MAP3K20: variants seen among roughly 807,000 people sequenced by gnomAD.
MAP3K20 encodes mitogen-activated protein kinase kinase kinase 20, also known as HCCS-4.
In MAP3K20, 40 loss-of-function variants were observed where a neutral mutation model predicts 85.7. That is an observed-to-expected ratio of 0.47 (90% confidence interval 0.36 to 0.61). The LOEUF is 0.61. Among genes scored for constraint, MAP3K20 ranks in the 20% least tolerant of loss-of-function variants. The pLI is 0.00. For synonymous variants in MAP3K20, 325 were observed against 327.7 expected (o/e 0.99, Z 0.09); for missense variants, 817 against 961.7 (o/e 0.85, Z 1.99).
At chr2:173,179,679 A>G (rs988978632) in intron 3 of MAP3K20, among the ~76,000 whole-genome samples, 4 of 149,500 alleles carry the variant, frequency 2.7e-5, no homozygotes, top group South Asian at 4.2e-4. Flanking sequence ...CTGACAACCT[A>G]TAGGTAGAAA....
chr2:173,136,851 G>C (rs1559247169), intron 2 of MAP3K20, among the ~76,000 whole-genome samples: 1 of 152,212 alleles, frequency 6.6e-6, no homozygotes. Context: ...CAGATGCAAA[G>C]TGTTTGATTC....
chr2:173,202,546 C>G (rs761570238), intron 8 of MAP3K20, among the ~76,000 whole-genome samples: 1 of 152,186 alleles, frequency 6.6e-6, no homozygotes, highest in Non-Finnish European at 1.5e-5. Context: ...CAACCCCTTA[C>G]ACTCCCTTGA....
chr2:173,090,778 C>T, intron 1 of MAP3K20: 1 of 1,152,548 alleles, frequency 8.7e-7, no homozygotes, highest in Non-Finnish European at 1.1e-6. Context: ...CTGTGGGCAG[C>T]TGTGTTTCAA....
chr2:173,139,141 G>A (rs187268936), intron 2 of MAP3K20, among the ~76,000 whole-genome samples: 11 of 152,276 alleles, frequency 7.2e-5, no homozygotes, highest in Non-Finnish European at 1.2e-4. Context: ...AAATGATGAA[G>A]CAAGTGTGTA....
chr2:173,223,979 A>G (rs1232171453), intron 11 of MAP3K20: 9 of 985,360 alleles, frequency 9.1e-6, no homozygotes, highest in African/African-American at 1.7e-5. Flanking sequence ...CATTCATTCA[A>G]CACATATTCA....
chr2:173,188,572 G>A (rs1017755583), intron 5 of MAP3K20, among the ~76,000 whole-genome samples: 3 of 151,782 alleles, frequency 2.0e-5, no homozygotes, highest in Non-Finnish European at 4.4e-5. Context: ...ACCCTTGCAC[G>A]TGCCTCAGGA....
chr2:173,244,940 G>A (rs1431726224), intron 16 of MAP3K20, among the ~76,000 whole-genome samples: 2 of 152,162 alleles, frequency 1.3e-5, no homozygotes, highest in African/African-American at 4.8e-5. Context: ...AGAGAAAATT[G>A]GAGCTTTGCA....
chr2:173,230,721 G>A (rs2106330151), intron 12 of MAP3K20, among the ~76,000 whole-genome samples: 1 of 152,272 alleles, frequency 6.6e-6, no homozygotes, highest in African/African-American at 2.4e-5. Context: ...CAGAGACTAG[G>A]TTGGGCACGG....
intron 2 of MAP3K20, among the ~76,000 whole-genome samples, chr2:173,131,983 AT>A (rs1380370265): frequency 6.6e-6 from 1 of 152,160 alleles, no homozygotes; most frequent in African/African-American, 2.4e-5. Context: ...CTCATCTCTT[AT>A]CAAAAACAAG....
intron 11 of MAP3K20, among the ~76,000 whole-genome samples, chr2:173,228,925 A>C (rs1684454803): frequency 6.6e-6 from 1 of 152,224 alleles, no homozygotes; most frequent in Non-Finnish European, 1.5e-5. Context: ...TAGGCTAGTT[A>C]AAGCTAATAG....
intron 1 of MAP3K20, among the ~76,000 whole-genome samples, chr2:173,085,945 G>A (rs992407494): frequency 2.0e-5 from 3 of 151,730 alleles, no homozygotes. Context: ...ACAGATGCAC[G>A]CCACCATGCC....
At position 173,183,475 on chromosome 2, in the gene MAP3K20, G is replaced by A. The variant is rs192391077; in HGVS notation, c.349+520G>A. On this transcript the variant is annotated intron_variant, in intron 4 of 19. Coordinates refer to ENST00000375213, the MANE Select transcript of MAP3K20 (RefSeq NM_016653.3). ...TTTAATGTAAACTTACTTAGGCATC[G>A]CTGTTGGAATTAAATATTTTTAATA... Among the ~76,000 whole-genome samples, 23 of 152,114 alleles carry A rather than the reference G, an allele frequency of 1.5e-4. No homozygotes were observed. The South Asian group carries it at 3.7e-3, about 25-fold the overall frequency.
chr2:173,076,024 G>T (rs1686842413), intron 1 of MAP3K20, 22 bp downstream of exon 1: 67 of 984,110 alleles, frequency 6.8e-5, no homozygotes, highest in Non-Finnish European at 8.1e-5. Context: ...GCTGGAGCCC[G>T]CGGAGGGCGG....
intron 2 of MAP3K20, among the ~76,000 whole-genome samples, chr2:173,164,111 C>T (rs1223964664): frequency 1.3e-5 from 2 of 152,086 alleles, no homozygotes; most frequent in Non-Finnish European, 2.9e-5. Context: ...AGGTGTGTGC[C>T]ACCATGCCCA....
Position 173,133,621 on chromosome 2 carries a change from G to C in MAP3K20, c.160-36184G>C, listed in dbSNP as rs528408163. On this transcript the variant is annotated intron_variant, in intron 2 of 19. Transcript: ENST00000375213. ...GACCAACCTTTCTAATTTTGGCTGT[G>C]CTTCAAAATGACGTGGTGGGCTTGT... 2.5e-3 allele frequency among the ~76,000 whole-genome samples: 384 copies of C among 152,258 alleles called. 2 individuals carry two copies. Among genetic ancestry groups the C allele is most frequent in the Non-Finnish European group, 3.8e-3 (260 of 68,018 alleles).
In MAP3K20 at chr2:173,203,792, G is replaced by A. The variant is rs368853942; in HGVS notation, c.670-4G>A. On this transcript the variant is annotated splice_region_variant and splice_polypyrimidine_tract_variant and intron_variant, in intron 8 of 19. Coordinates refer to ENST00000375213, the MANE Select transcript of MAP3K20 (RefSeq NM_016653.3). The stretch of plus-strand genomic sequence containing the variant: ...TTTGTTTTGTTTCCCTCTGTCTATT[G>A]TAGAGATTAACCATTCCAAGCAGTT... The A allele has an allele frequency of 2.3e-5, 37 of 1,611,062 alleles. No individual in the cohort carries two copies. The Middle Eastern group carries it at 4.9e-4, about 22-fold the overall frequency.
chr2:173,223,562 T>G (rs146015600), intron 11 of MAP3K20: 2 of 985,430 alleles, frequency 2.0e-6, no homozygotes, highest in East Asian at 1.1e-4. Flanking sequence ...TAAAAGTGGA[T>G]AGCTTTCAGG....
intron 2 of MAP3K20, among the ~76,000 whole-genome samples, chr2:173,134,412 A>ATTTT (rs1559246011): frequency 1.4e-3 from 8 of 5,646 alleles, no homozygotes; most frequent in Non-Finnish European, 3.4e-3. Context: ...ATATATATAT[A>ATTTT]TATATATATA....
At chr2:173,143,792 C>A (rs2106217039) in intron 2 of MAP3K20, among the ~76,000 whole-genome samples, 1 of 152,114 alleles carries the variant, frequency 6.6e-6, no homozygotes, top group East Asian at 1.9e-4. Context: ...ATCTACAAAA[C>A]AAATACTAGG....
Sources: gnomAD v4.1 joint callset for allele counts (sites outside exome capture counted in the v4.1 genomes callset) on GRCh38, gnomAD v4.1.1 for gene constraint, MANE v1.5 for transcripts, NCBI Gene and HGNC (gene_info 2026-07-23, HGNC 2026-07-21) for gene names.